CCDC169: variants seen among roughly 807,000 people sequenced by gnomAD.
CCDC169 encodes coiled-coil domain containing 169.
CCDC169 carries 30 observed loss-of-function variants against 36.0 expected under a neutral mutation model. The observed-to-expected ratio is 0.83, with a 90% CI of 0.62 to 1.13. The LOEUF (loss-of-function observed/expected upper bound fraction) is 1.13, where lower values mean the gene tolerates loss of function less well. Ranked by LOEUF, CCDC169 falls within the 50% of genes most tolerant of loss-of-function variation. The probability of loss-of-function intolerance (pLI) is 0.00; values close to 1 mark genes in which losing one functional copy is unlikely to be tolerated. For synonymous variants in CCDC169, 85 were observed against 81.5 expected (o/e 1.04, Z -0.23); for missense variants, 245 against 245.9 (o/e 1.00, Z 0.03).
intron 6 of CCDC169, among the ~76,000 whole-genome samples, chr13:36,253,190 A>T (rs1452174251): frequency 6.6e-6 from 1 of 152,250 alleles, no homozygotes; most frequent in Non-Finnish European, 1.5e-5. Context: ...ATGCATAATT[A>T]TAAAGTGAAG....
chr13:36,278,699 G>A (rs1877142804), intron 4 of CCDC169, among the ~76,000 whole-genome samples: 1 of 151,952 alleles, frequency 6.6e-6, no homozygotes, highest in Admixed American at 6.6e-5. Flanking sequence ...TTAAATGTCA[G>A]CATTCCCCAG....
rs376308746 is a variant in CCDC169, at chr13:36,281,415, C to T, written c.315+2054G>A. On this transcript the variant is annotated intron_variant, in intron 4 of 7. Transcript: ENST00000239859. Reference sequence around the variant, plus strand: ...GAAAGACACTTAGAAGATAATATAACGTATCTTACCTTCAGAGGAGAAAAG... The same window carrying T: ...GAAAGACACTTAGAAGATAATATAATGTATCTTACCTTCAGAGGAGAAAAG... 3.9e-4 allele frequency among the ~76,000 whole-genome samples: 59 copies of T among 151,754 alleles called. 1 individual carries two copies. In the South Asian group the frequency reaches 8.5e-3, roughly 22 times the overall value.
In CCDC169 at chr13:36,295,050, C is replaced by T. The variant is rs532504475; in HGVS notation, c.163+728G>A. 1.1e-3 allele frequency among the ~76,000 whole-genome samples: 160 copies of T among 152,260 alleles called. 1 individual carries two copies. The Middle Eastern group carries it at 0.017, about 16-fold the overall frequency. On this transcript the variant is annotated intron_variant, in intron 2 of 7. Coordinates refer to ENST00000239859, the MANE Select transcript of CCDC169 (RefSeq NM_001144981.3). Reference sequence around the variant, plus strand: ...GTCTCCTCCCTTATAAATGCCCACCCTGATAATCCTAATAAAGTCCTCCTG... The same window carrying T: ...GTCTCCTCCCTTATAAATGCCCACCTTGATAATCCTAATAAAGTCCTCCTG...
At chr13:36,275,901 G>A (rs1349582701) in intron 4 of CCDC169, among the ~76,000 whole-genome samples, 2 of 152,154 alleles carry the variant, frequency 1.3e-5, no homozygotes, top group Non-Finnish European at 2.9e-5. Flanking sequence ...TCAGAGAGTG[G>A]GACATGACAT....
In CCDC169 at chr13:36,231,273, T is replaced by C; in HGVS notation, c.565A>G (p.Lys189Glu). ...CTCTTGGCACTCACTGTCTTCTGCT[T>C]AGCTGGATTATATCTTCCACTGAAA... is the stretch of plus-strand genomic sequence containing the variant. ...LVKTGRYNPA[K>E]QKTVSAKRGP... Residue 189 changes from lysine to glutamate, a missense_variant, in exon 8 of 8, where the codon AAG becomes GAG. Lys to Glu is a moderately conservative substitution (Grantham distance 56). Transcript: ENST00000239859. 6.4e-7 allele frequency: 1 copy of C among 1,551,384 alleles called. No individual in the cohort carries two copies. Among genetic ancestry groups the C allele is most frequent in the Non-Finnish European group, 8.7e-7 (1 of 1,146,804 alleles).
chr13:36,230,661 A>G, downstream of CCDC169: 1 of 617,554 alleles, frequency 1.6e-6, no homozygotes, highest in Non-Finnish European at 2.0e-6. Flanking sequence ...GGACTTGCCC[A>G]AGATCTCCTA....
At chr13:36,285,498 T>G (rs905093023) in intron 2 of CCDC169, among the ~76,000 whole-genome samples, 2 of 152,054 alleles carry the variant, frequency 1.3e-5, no homozygotes, top group Admixed American at 6.6e-5. Context: ...TGCAGTGAGC[T>G]GAGATTGTGC....
chr13:36,275,542 T>C (rs964541181), intron 4 of CCDC169, among the ~76,000 whole-genome samples: 12 of 152,318 alleles, frequency 7.9e-5, no homozygotes, highest in African/African-American at 1.9e-4. Flanking sequence ...TCAGAGATTA[T>C]AGCATTTTAA....
chr13:36,270,361 A>T (rs1025894440), intron 4 of CCDC169, among the ~76,000 whole-genome samples: 1 of 152,198 alleles, frequency 6.6e-6, no homozygotes. Flanking sequence ...CAATGCATAC[A>T]TTCAATGCAA....
intron 6 of CCDC169, among the ~76,000 whole-genome samples, chr13:36,251,015 A>C (rs117132522): frequency 0.013 from 1,976 of 152,342 alleles, 20 homozygotes; most frequent in Middle Eastern, 0.02. Flanking sequence ...TATGTGCTGC[A>C]AAAAGCTCTA....
chr13:36,291,129 A>T (rs552715742), intron 2 of CCDC169, among the ~76,000 whole-genome samples: 1 of 152,146 alleles, frequency 6.6e-6, no homozygotes, highest in South Asian at 2.1e-4. Context: ...CCTTCCCCCA[A>T]TTTGGAGTTT....
At chr13:36,271,208 G>A (rs1876006291) in intron 4 of CCDC169, among the ~76,000 whole-genome samples, 2 of 151,990 alleles carry the variant, frequency 1.3e-5, no homozygotes, top group Admixed American at 1.3e-4. Context: ...AAACCACAAA[G>A]ATGCTACCTT....
At chr13:36,223,057 T>C (rs1869696282), downstream of CCDC169, 1 of 152,178 alleles carries the variant, frequency 6.6e-6, no homozygotes, top group African/African-American at 2.4e-5. Flanking sequence ...TTGAACACCA[T>C]GCAATATAAA....
chr13:36,242,713 G>A (rs1382975137), intron 7 of CCDC169, among the ~76,000 whole-genome samples: 2 of 152,110 alleles, frequency 1.3e-5, no homozygotes, highest in African/African-American at 4.8e-5. Context: ...AGAGATGGAA[G>A]TGATTGATCT....
chr13:36,228,196 T>C (rs981020306), downstream of CCDC169, among the ~76,000 whole-genome samples: 1 of 152,182 alleles, frequency 6.6e-6, no homozygotes, highest in Non-Finnish European at 1.5e-5. Flanking sequence ...AGAGACTTGC[T>C]GTGTCATATA....
At chr13:36,271,067 C>T (rs1280207725) in intron 4 of CCDC169, among the ~76,000 whole-genome samples, 1 of 151,950 alleles carries the variant, frequency 6.6e-6, no homozygotes, top group Non-Finnish European at 1.5e-5. Flanking sequence ...AACAAATCAG[C>T]AAGAAATAAA....
At chr13:36,257,822 G>C (rs1173297264) in intron 4 of CCDC169, among the ~76,000 whole-genome samples, 1 of 151,688 alleles carries the variant, frequency 6.6e-6, no homozygotes, top group Non-Finnish European at 1.5e-5. Context: ...ATACACTAAG[G>C]GCTCAGTCAT....
chr13:36,277,288 G>A (rs1159315369), intron 4 of CCDC169, among the ~76,000 whole-genome samples: 1 of 151,960 alleles, frequency 6.6e-6, no homozygotes, highest in Non-Finnish European at 1.5e-5. Flanking sequence ...ACAGAGAGGG[G>A]AACAACACAC....
chr13:36,275,030 G>A lies in CCDC169; in HGVS notation c.315+8439C>T, dbSNP rs572068113. On this transcript the variant is annotated intron_variant, in intron 4 of 7. Coordinates refer to ENST00000239859, the MANE Select transcript of CCDC169 (RefSeq NM_001144981.3). ...ACTACAGGCGCCCACCATCACGCCC[G>A]GCTAATTTTTTGTATTTTTAGTAGA... Among the ~76,000 whole-genome samples, 5 of 152,048 alleles carry A rather than the reference G, an allele frequency of 3.3e-5. No homozygotes were observed. The South Asian group carries it at 1.0e-3, about 32-fold the overall frequency.
Sources: gnomAD v4.1 joint callset for allele counts (sites outside exome capture counted in the v4.1 genomes callset) on GRCh38, gnomAD v4.1.1 for gene constraint, MANE v1.5 for transcripts, NCBI Gene and HGNC (gene_info 2026-07-23, HGNC 2026-07-21) for gene names.